The following ALG8 variants were observed in gnomAD, a reference collection of about 807,000 sequenced individuals.
ALG8 encodes ALG8 alpha-1,3-glucosyltransferase, also known as dolichyl pyrophosphate Glc1Man9GlcNAc2 alpha-1,3-glucosyltransferase.
ALG8 carries 48 observed loss-of-function variants against 70.2 expected under a neutral mutation model. That is an observed-to-expected ratio of 0.68 (90% CI 0.54 to 0.87). The LOEUF (loss-of-function observed/expected upper bound fraction) is 0.87, where lower values mean the gene tolerates loss of function less well. Among genes scored for constraint, ALG8 ranks in the 40% least tolerant of loss-of-function variants. The pLI, the probability that ALG8 is intolerant of heterozygous loss-of-function variation, is 0.00. For missense variants in ALG8, 572 were observed against 608.7 expected (o/e 0.94, Z 0.64); for synonymous variants, 234 against 229.0 (o/e 1.02, Z -0.20).
intron 5 of ALG8, among the ~76,000 whole-genome samples, chr11:78,117,928 G>A (rs971271128): frequency 6.6e-5 from 10 of 151,256 alleles, no homozygotes; most frequent in African/African-American, 1.7e-4. Flanking sequence ...AAAATTAGCC[G>A]GGCGTGGTGG....
intron 9 of ALG8, among the ~76,000 whole-genome samples, chr11:78,108,411 C>T (rs979038580): frequency 3.9e-5 from 6 of 152,142 alleles, no homozygotes; most frequent in Non-Finnish European, 7.4e-5. Context: ...GCCTGGATGA[C>T]GGAGTGAGAC....
chr11:78,122,836 C>T (rs980771675), intron 3 of ALG8, among the ~76,000 whole-genome samples: 2 of 146,386 alleles, frequency 1.4e-5, no homozygotes, highest in African/African-American at 5.2e-5. Context: ...GGGTTTCAAA[C>T]AGGATTATTC....
At chr11:78,122,291 T>G (rs1474276186) in intron 3 of ALG8, among the ~76,000 whole-genome samples, 3 of 152,080 alleles carry the variant, frequency 2.0e-5, no homozygotes. Context: ...ATTAAATAAG[T>G]TAATAATCTG....
chr11:78,103,881 C>T, intron 12 of ALG8, 99 bp downstream of exon 12: 1 of 650,534 alleles, frequency 1.5e-6, no homozygotes, highest in Non-Finnish European at 2.6e-6. Context: ...TGTCATATTA[C>T]TGTTATAACT....
Position 78,100,964 on chromosome 11 carries a change from T to C in ALG8, c.1581A>G (p.Ter527TrpextTer?). ...GCACATATCTAAGCAGTTCCTTTATTCATTGTTTCTTTGTCTTGCCAATAG... is the reference window on the plus strand; with the variant it reads ...GCACATATCTAAGCAGTTCCTTTATCCATTGTTTCTTTGTCTTGCCAATAG... ...DSAIGKTKKQ* is the reference protein window; with the variant it reads ...DSAIGKTKKQW Residue 527 changes from the stop codon to tryptophan (W), a stop_lost, in exon 13 of 13, where the codon TGA (stop) becomes TGG (tryptophan). Transcript: ENST00000299626. The C allele has an allele frequency of 6.2e-7, 1 of 1,613,336 alleles. No individual in the cohort carries two copies. Among genetic ancestry groups the C allele is most frequent in the Non-Finnish European group, 8.5e-7 (1 of 1,179,224 alleles).
chr11:78,118,615 C>CAAA (rs60253317), intron 5 of ALG8, among the ~76,000 whole-genome samples: 5 of 88,082 alleles, frequency 5.7e-5, no homozygotes, highest in African/African-American at 8.5e-5. Context: ...GACTCATTCT[C>CAAA]AAAAAAAAAA....
At chr11:78,139,033 G>A (rs1236546006) in intron 1 of ALG8, 1 of 344,648 alleles carries the variant, frequency 2.9e-6, no homozygotes, top group South Asian at 2.3e-5. Context: ...AAGGAATAGC[G>A]CACAGCCACT....
intron 1 of ALG8, among the ~76,000 whole-genome samples, chr11:78,130,868 ATTT>A (rs1243683120): frequency 1.3e-5 from 2 of 152,020 alleles, no homozygotes; most frequent in Non-Finnish European, 2.9e-5. Context: ...TGAACTTATA[ATTT>A]TTATCTTTTC....
chr11:78,130,387 T>A (rs1470874254), intron 1 of ALG8, among the ~76,000 whole-genome samples: 1 of 120,734 alleles, frequency 8.3e-6, no homozygotes, highest in Non-Finnish European at 1.7e-5. Context: ...ATCAATACCT[T>A]TAGTGGGGTG....
At position 78,124,020 on chromosome 11, in the gene ALG8, C is replaced by T; in HGVS notation, c.368+1G>A. 1.2e-6 allele frequency: 2 copies of T among 1,614,102 alleles called. No individual in the cohort carries two copies. The highest frequency in any genetic ancestry group is 1.7e-6 in the Non-Finnish European group (2 of 1,180,020). On this transcript the variant is annotated splice_donor_variant, in intron 3 of 12. Transcript: ENST00000299626. LOFTEE classifies it high-confidence loss of function. ...TACAAAATGACATGCTCCAGACTTA[C>T]TCACGGACAGCATACACAAAGAGTA... is the stretch of plus-strand genomic sequence containing the variant.
rs1040636679 is a variant in ALG8, at chr11:78,104,477, AAAC to A, written c.1179-27_1179-25del. The A allele has an allele frequency of 3.9e-6, 6 of 1,547,752 alleles. No individual in the cohort carries two copies. The African/African-American group carries it at 5.5e-5, about 14-fold the overall frequency. On this transcript the variant is annotated intron_variant, in intron 10 of 12. Coordinates refer to ENST00000299626, the MANE Select transcript of ALG8 (RefSeq NM_024079.5). Reference sequence around the variant, plus strand: ...GGCTAAAAATAAAAATAATTTCTTAAAACAACAACTGTTATTACACTTGCAAAT... The same window carrying A: ...GGCTAAAAATAAAAATAATTTCTTAAAACAACTGTTATTACACTTGCAAAT...
chr11:78,133,570 T>A (rs1459553111), intron 1 of ALG8: 2 of 151,906 alleles, frequency 1.3e-5, no homozygotes, highest in African/African-American at 2.4e-5. Flanking sequence ...ATAAAGTGAG[T>A]CACATGAATT....
At chr11:78,110,208 ACT>A (rs1262423720) in intron 8 of ALG8, among the ~76,000 whole-genome samples, 1 of 151,550 alleles carries the variant, frequency 6.6e-6, no homozygotes, top group Admixed American at 6.6e-5. Context: ...ATGGAGTCTT[ACT>A]CTGTCACCCA....
At chr11:78,125,610 A>C (rs1378473172) in intron 2 of ALG8, among the ~76,000 whole-genome samples, 1 of 142,622 alleles carries the variant, frequency 7.0e-6, no homozygotes, top group African/African-American at 2.9e-5. Flanking sequence ...TACTAAAAAT[A>C]CAAAAAAAAA....
intron 12 of ALG8, among the ~76,000 whole-genome samples, chr11:78,101,583 C>A (rs1017556047): frequency 6.6e-6 from 1 of 152,116 alleles, no homozygotes; most frequent in Non-Finnish European, 1.5e-5. Flanking sequence ...GGCACCACTG[C>A]ACTCTAGCCT....
Position 78,126,084 on chromosome 11 carries a change from G to A in ALG8, c.174+1274C>T, listed in dbSNP as rs186688795. ...TGAGGCAGGAGAATGGCGTGAACCT[G>A]GGAGGCGGAGCTTGCAGTGAGCAGA... On this transcript the variant is annotated intron_variant, in intron 2 of 12. Transcript: ENST00000299626. Among the ~76,000 whole-genome samples, 506 of 152,056 alleles carry A rather than the reference G, an allele frequency of 3.3e-3. 5 individuals carry two copies. Among genetic ancestry groups the A allele is most frequent in the African/African-American group, 0.012 (487 of 41,488 alleles).
chr11:78,104,254 C>T (rs1859920668), intron 11 of ALG8, 102 bp downstream of exon 11: 1 of 1,144,518 alleles, frequency 8.7e-7, no homozygotes. Context: ...TGATCTCTAT[C>T]CAAGAGATTT....
At chr11:78,136,792 A>C (rs561867414) in intron 1 of ALG8, among the ~76,000 whole-genome samples, 1 of 152,296 alleles carries the variant, frequency 6.6e-6, no homozygotes, top group East Asian at 1.9e-4. Context: ...TGTTTAGTGT[A>C]GCCACCTTCA....
intron 1 of ALG8, among the ~76,000 whole-genome samples, chr11:78,135,955 G>T (rs1861530290): frequency 6.6e-6 from 1 of 152,062 alleles, no homozygotes; most frequent in Non-Finnish European, 1.5e-5. Context: ...GATCGCTTGA[G>T]GTCAGGAATT....
Sources: allele counts gnomAD v4.1 joint callset (sites outside exome capture counted in the v4.1 genomes callset), GRCh38; gene constraint gnomAD v4.1.1; transcripts MANE v1.5; gene names NCBI Gene and HGNC (gene_info 2026-07-23, HGNC 2026-07-21).